The following IRAK2 variants were observed in gnomAD, a reference collection of about 807,000 sequenced individuals.
IRAK2 encodes the protein interleukin-1 receptor-associated kinase-like 2.
Under a neutral mutation model 72.0 loss-of-function variants are expected in IRAK2, and 57 were observed. That is an observed-to-expected ratio of 0.79 (90% CI 0.64 to 0.99). The LOEUF (loss-of-function observed/expected upper bound fraction) is 0.99, where lower values mean the gene tolerates loss of function less well. Among genes scored for constraint, IRAK2 ranks in the 50% least tolerant of loss-of-function variants. The probability of loss-of-function intolerance (pLI) is 0.00; values close to 1 mark genes in which losing one functional copy is unlikely to be tolerated. For missense variants in IRAK2, 790 were observed against 794.4 expected, an observed-to-expected ratio of 0.99 and a Z score of 0.07; for synonymous variants, 293 against 312.7, an observed-to-expected ratio of 0.94 and a Z score of 0.67.
intron 1 of IRAK2, among the ~76,000 whole-genome samples, chr3:10,174,445 T>C (rs150436189): frequency 6.6e-6 from 1 of 152,288 alleles, no homozygotes; most frequent in East Asian, 1.9e-4. Flanking sequence ...TTGAGGGTCT[T>C]TGTTATGTGG....
At chr3:10,217,188 C>A in intron 7 of IRAK2, 140 bp downstream of exon 7, 2 of 641,320 alleles carry the variant, frequency 3.1e-6, no homozygotes, top group Non-Finnish European at 5.6e-6. Context: ...AGAAGTGGGG[C>A]CAGGATACAT....
At chr3:10,230,997 C>T (rs1697854233) in intron 10 of IRAK2, among the ~76,000 whole-genome samples, 1 of 151,810 alleles carries the variant, frequency 6.6e-6, no homozygotes, top group Non-Finnish European at 1.5e-5. Context: ...AAGTGATCCA[C>T]CTGCCTCGGC....
chr3:10,201,194 G>C (rs546524369), intron 3 of IRAK2, among the ~76,000 whole-genome samples: 1 of 152,330 alleles, frequency 6.6e-6, no homozygotes, highest in South Asian at 2.1e-4. Flanking sequence ...AACTAACTAT[G>C]AATTAGGTAT....
At chr3:10,210,732 A>G (rs1697504750) in intron 4 of IRAK2, among the ~76,000 whole-genome samples, 1 of 152,192 alleles carries the variant, frequency 6.6e-6, no homozygotes, top group African/African-American at 2.4e-5. Flanking sequence ...AAATTAATAA[A>G]TAGATCAACC....
chr3:10,236,864 G>A lies in IRAK2; in HGVS notation c.1474-1884G>A, dbSNP rs530393132. On this transcript the variant is annotated intron_variant, in intron 11 of 12. Transcript: ENST00000256458. ...AAGATAGATGTTTATTCTCTTTAGTGTAACAGTTTGAATTTACGCAGTCCA... is the reference window on the plus strand; with the variant it reads ...AAGATAGATGTTTATTCTCTTTAGTATAACAGTTTGAATTTACGCAGTCCA... 6.6e-5 allele frequency among the ~76,000 whole-genome samples: 10 copies of A among 152,348 alleles called. No individual in the cohort carries two copies. In the South Asian group the frequency reaches 1.7e-3, roughly 25 times the overall value.
chr3:10,228,510 G>A (rs1455354006), intron 10 of IRAK2, among the ~76,000 whole-genome samples: 2 of 152,100 alleles, frequency 1.3e-5, no homozygotes, highest in Admixed American at 6.6e-5. Context: ...GGGGCTCCCC[G>A]GACAAGTGTC....
intron 2 of IRAK2, among the ~76,000 whole-genome samples, chr3:10,183,637 T>C (rs1178515585): frequency 3.3e-5 from 5 of 152,006 alleles, no homozygotes; most frequent in African/African-American, 7.2e-5. Context: ...AGGAGAGTGG[T>C]GGGAACCCGG....
chr3:10,203,777 G>A (rs1697398614), intron 3 of IRAK2, among the ~76,000 whole-genome samples: 5 of 152,136 alleles, frequency 3.3e-5, no homozygotes, highest in Admixed American at 2.6e-4. Context: ...CACTACAGGT[G>A]CGCGCCACCA....
At chr3:10,219,947 T>C (rs1697663589) in intron 8 of IRAK2, among the ~76,000 whole-genome samples, 158 bp downstream of exon 8, 1 of 152,182 alleles carries the variant, frequency 6.6e-6, no homozygotes, top group African/African-American at 2.4e-5. Context: ...TCTTTTTCTC[T>C]GTTATGCCCT....
At chr3:10,184,886 T>A (rs1169667) in intron 2 of IRAK2, among the ~76,000 whole-genome samples, 1 of 145,014 alleles carries the variant, frequency 6.9e-6, no homozygotes, top group African/African-American at 2.8e-5. Flanking sequence ...CCCGCCACCA[T>A]GCCCGGCTAT....
At chr3:10,211,678 A>AT (rs1479769634) in intron 4 of IRAK2, among the ~76,000 whole-genome samples, 1 of 152,140 alleles carries the variant, frequency 6.6e-6, no homozygotes, top group Non-Finnish European at 1.5e-5. Context: ...AAATCCTAGT[A>AT]TATCTAATTG....
rs1432212109 is a variant in IRAK2, at chr3:10,191,928, G to A, written c.278-8441G>A. On this transcript the variant is annotated intron_variant, in intron 2 of 12. Coordinates refer to ENST00000256458, the MANE Select transcript of IRAK2 (RefSeq NM_001570.4). ...AGAATGAGTCATTTCAGCAGCAGGT[G>A]GAGTACAAGTTCAGTGGAGAACCAG... Among the ~76,000 whole-genome samples the A allele has an allele frequency of 6.6e-5, 10 of 152,176 alleles. No homozygotes were observed. The East Asian group carries it at 1.9e-3, about 29-fold the overall frequency.
chr3:10,234,726 C>G, intron 11 of IRAK2, 67 bp downstream of exon 11: 1 of 1,396,576 alleles, frequency 7.2e-7, no homozygotes, highest in South Asian at 1.2e-5. Flanking sequence ...GGGGACGGCC[C>G]CTTCGCAGAG....
At chr3:10,236,342 G>GT (rs34423993) in intron 11 of IRAK2, among the ~76,000 whole-genome samples, 17,094 of 99,496 alleles carry the variant, frequency 0.17, 1,662 homozygotes, top group Admixed American at 0.26. Context: ...AGCCACTAAG[G>GT]TTTTTTTTTT....
At chr3:10,195,990 A>G (rs1161106208) in intron 2 of IRAK2, among the ~76,000 whole-genome samples, 1 of 152,190 alleles carries the variant, frequency 6.6e-6, no homozygotes, top group East Asian at 1.9e-4. Context: ...TAGCCTTCCA[A>G]GGGAGCACAG....
intron 2 of IRAK2, among the ~76,000 whole-genome samples, chr3:10,196,638 G>T (rs557219765): frequency 1.3e-5 from 2 of 152,240 alleles, no homozygotes; most frequent in African/African-American, 4.8e-5. Context: ...GGAGAGAAGT[G>T]CATGTTCTCT....
chr3:10,212,291 GT>G (rs200593512), intron 4 of IRAK2, among the ~76,000 whole-genome samples: 3 of 151,482 alleles, frequency 2.0e-5, no homozygotes, highest in African/African-American at 4.9e-5. Flanking sequence ...AACATTATGA[GT>G]TTTTTTTGCA....
At chr3:10,221,514 A>G (rs1246636569) in intron 8 of IRAK2, among the ~76,000 whole-genome samples, 2 of 151,330 alleles carry the variant, frequency 1.3e-5, no homozygotes, top group East Asian at 2.0e-4. Context: ...TGGCCTCCCA[A>G]AGTGCTGGGA....
intron 3 of IRAK2, among the ~76,000 whole-genome samples, chr3:10,208,711 C>G (rs951429334): frequency 6.6e-6 from 1 of 150,904 alleles, no homozygotes; most frequent in Non-Finnish European, 1.5e-5. Context: ...TGCAGTGAGC[C>G]GAGATTGTGC....
Sources: gnomAD v4.1 joint callset for allele counts (sites outside exome capture counted in the v4.1 genomes callset) on GRCh38, gnomAD v4.1.1 for gene constraint, MANE v1.5 for transcripts, NCBI Gene and HGNC (gene_info 2026-07-23, HGNC 2026-07-21) for gene names.